The following MICU2 variants were observed in gnomAD, a reference collection of about 807,000 sequenced individuals.
MICU2 encodes calcium uptake protein 2, mitochondrial.
Under a neutral mutation model 60.4 loss-of-function variants are expected in MICU2, and 64 were observed. That is an observed-to-expected ratio of 1.06 (90% confidence interval 0.87 to 1.31). MICU2 has a LOEUF of 1.31. Ranked by LOEUF, MICU2 falls within the 50% of genes most tolerant of loss-of-function variation. MICU2 has a pLI of 0.00. For synonymous variants in MICU2, 201 were observed against 175.0 expected (o/e 1.15, Z -1.17); for missense variants, 569 against 531.0 (o/e 1.07, Z -0.70).
chr13:21,508,252 A>C (rs1886341196), intron 8 of MICU2, among the ~76,000 whole-genome samples: 1 of 151,858 alleles, frequency 6.6e-6, no homozygotes, highest in African/African-American at 2.4e-5. Flanking sequence ...CAGCCTCCCA[A>C]GTAGCAGGGT....
At chr13:21,503,677 A>T (rs1412528687) in intron 8 of MICU2, among the ~76,000 whole-genome samples, 2 of 152,248 alleles carry the variant, frequency 1.3e-5, no homozygotes, top group African/African-American at 4.8e-5. Flanking sequence ...TGGTACTTCG[A>T]TCAAACTGTC....
intron 9 of MICU2, among the ~76,000 whole-genome samples, chr13:21,501,280 T>C (rs958866007): frequency 4.6e-5 from 7 of 152,028 alleles, no homozygotes; most frequent in African/African-American, 1.7e-4. Context: ...TTTTTTTTTT[T>C]GACACAGAGT....
intron 2 of MICU2, among the ~76,000 whole-genome samples, chr13:21,545,286 C>T (rs985272500): frequency 2.0e-5 from 3 of 152,178 alleles, no homozygotes; most frequent in Admixed American, 6.5e-5. Context: ...CAGTCATTAA[C>T]AGCAACATGG....
chr13:21,495,040 G>A, intron 11 of MICU2, 121 bp downstream of exon 11: 1 of 627,280 alleles, frequency 1.6e-6, no homozygotes, highest in East Asian at 2.9e-5. Flanking sequence ...TTCAATTACA[G>A]CTTATAGTCT....
chr13:21,521,639 G>A (rs1886719215), intron 5 of MICU2, among the ~76,000 whole-genome samples: 1 of 152,076 alleles, frequency 6.6e-6, no homozygotes, highest in African/African-American at 2.4e-5. Context: ...TATTCTTACA[G>A]TACCTTGGTT....
intron 8 of MICU2, among the ~76,000 whole-genome samples, chr13:21,508,339 A>C (rs983990004): frequency 2.0e-5 from 3 of 151,672 alleles, no homozygotes; most frequent in Admixed American, 2.0e-4. Context: ...GTTAGCCAGG[A>C]TGGTCTCGGT....
chr13:21,499,729 ATC>A (rs1188014384), intron 9 of MICU2, among the ~76,000 whole-genome samples: 10 of 151,794 alleles, frequency 6.6e-5, no homozygotes, highest in Non-Finnish European at 1.5e-5. Context: ...GTTTCTGTAC[ATC>A]TATCAGAGGC....
Position 21,539,341 on chromosome 13 carries a change from CAGCT to C in MICU2, c.423_426del (p.Gly143ValfsTer14). 1.9e-6 allele frequency: 3 copies of C among 1,613,976 alleles called. No individual in the cohort carries two copies. The highest frequency in any genetic ancestry group is 2.5e-6 in the Non-Finnish European group (3 of 1,179,938). On this transcript the variant is annotated frameshift_variant, in exon 4 of 12. Transcript: ENST00000382374. LOFTEE classifies it high-confidence loss of function. ...TCTCTGAAAAAAGTTGATCCACAGC[CAGCT>C]GTTTGGATCCCTGACAGTGTATCCT...
At chr13:21,564,919 A>C (rs1887938772) in intron 2 of MICU2, among the ~76,000 whole-genome samples, 1 of 152,136 alleles carries the variant, frequency 6.6e-6, no homozygotes, top group Admixed American at 6.5e-5. Context: ...AGATTCCAGC[A>C]ATTAATTACC....
intron 6 of MICU2, among the ~76,000 whole-genome samples, chr13:21,520,502 T>C (rs1414516809): frequency 6.6e-6 from 1 of 152,244 alleles, no homozygotes; most frequent in East Asian, 1.9e-4. Context: ...TTTACATAAG[T>C]ACTCATTAAT....
At chr13:21,548,668 T>G (rs1347830195) in intron 2 of MICU2, among the ~76,000 whole-genome samples, 2 of 152,176 alleles carry the variant, frequency 1.3e-5, no homozygotes, top group Admixed American at 6.5e-5. Context: ...CCAGGTCCTG[T>G]TTGACTCCAA....
At chr13:21,550,043 T>C (rs915713573) in intron 2 of MICU2, among the ~76,000 whole-genome samples, 1 of 152,234 alleles carries the variant, frequency 6.6e-6, no homozygotes, top group African/African-American at 2.4e-5. Flanking sequence ...CTGTTTTAGT[T>C]TTCCCTTAAA....
intron 4 of MICU2, among the ~76,000 whole-genome samples, chr13:21,537,382 C>A (rs11841562): frequency 0.31 from 46,620 of 151,948 alleles, 8,384 homozygotes; most frequent in South Asian, 0.4. Flanking sequence ...TTTCTCTCAT[C>A]AGTTCTTTTT....
At chr13:21,515,688 C>A in intron 6 of MICU2, 1 of 267,682 alleles carries the variant, frequency 3.7e-6, no homozygotes, top group Non-Finnish European at 7.9e-6. Flanking sequence ...GGCTATTTAA[C>A]AGTTTGAAAA....
At chr13:21,509,724 G>A (rs963311688) in intron 8 of MICU2, among the ~76,000 whole-genome samples, 1 of 152,206 alleles carries the variant, frequency 6.6e-6, no homozygotes, top group African/African-American at 2.4e-5. Context: ...GACGCTAGGC[G>A]CATGGTTCTT....
In MICU2 at chr13:21,569,818, CA is replaced by C. The variant is rs536375277; in HGVS notation, c.211-2875del. Among the ~76,000 whole-genome samples, 67 of 125,510 alleles carry C rather than the reference CA, an allele frequency of 5.3e-4. No homozygotes were observed. The South Asian group carries it at 5.9e-3, about 11-fold the overall frequency. The allele number at this position is 125,510 out of a possible 152,430, so 82.3% of individuals were successfully genotyped here. A position where few individuals can be genotyped will look rare whatever the true frequency, so the allele number is the denominator to read the frequency against. ...CACCATTTTTGTCATCTTCGTTTTACAAAAAAAAAAAACAAAACACTTACGG... is the reference window on the plus strand; with the variant it reads ...CACCATTTTTGTCATCTTCGTTTTACAAAAAAAAAAACAAAACACTTACGG... On this transcript the variant is annotated intron_variant, in intron 1 of 11. Coordinates refer to ENST00000382374, the MANE Select transcript of MICU2 (RefSeq NM_152726.3).
chr13:21,525,443 G>A lies in MICU2; in HGVS notation c.467-2793C>T, dbSNP rs144771289. 3.6e-4 allele frequency among the ~76,000 whole-genome samples: 54 copies of A among 151,688 alleles called. 1 individual carries two copies. In the East Asian group the frequency reaches 8.8e-3, roughly 25 times the overall value. On this transcript the variant is annotated intron_variant, in intron 4 of 11. Coordinates refer to ENST00000382374, the MANE Select transcript of MICU2 (RefSeq NM_152726.3). The stretch of plus-strand genomic sequence containing the variant: ...CCTGACCTCGTGATCTGCCTGCCTC[G>A]GCCTCCCAAAGTGCTGGGACTACAG...
intron 10 of MICU2, 86 bp downstream of exon 10, chr13:21,495,966 G>A (rs1243740741): frequency 1.1e-6 from 1 of 885,160 alleles, no homozygotes; most frequent in East Asian, 2.7e-5. Flanking sequence ...CTTATAATTT[G>A]TTCCTTGATT....
chr13:21,530,912 T>G (rs1886980088), intron 4 of MICU2: 2 of 759,330 alleles, frequency 2.6e-6, no homozygotes, highest in Admixed American at 3.5e-5. Context: ...GATATAGATC[T>G]AGTGCTGCAG....
Sources: allele counts gnomAD v4.1 joint callset (sites outside exome capture counted in the v4.1 genomes callset), GRCh38; gene constraint gnomAD v4.1.1; transcripts MANE v1.5; gene names NCBI Gene and HGNC (gene_info 2026-07-23, HGNC 2026-07-21).